Variants in GMPR observed in about 807,000 individuals in gnomAD.
GMPR encodes the protein guanosine monophosphate reductase, also known as GMP reductase 1.
A neutral mutation model predicts 38.4 loss-of-function variants in GMPR; 31 were observed. The ratio of observed to expected loss-of-function variants is 0.81; its 90% CI spans 0.61 to 1.09. GMPR has a LOEUF of 1.09. Among genes scored for constraint, GMPR ranks in the 50% least tolerant of loss-of-function variants. GMPR has a pLI of 0.00. For synonymous variants in GMPR, 162 were observed against 173.3 expected, an observed-to-expected ratio of 0.93 and a Z score of 0.51; for missense variants, 468 against 453.7, an observed-to-expected ratio of 1.03 and a Z score of -0.29.
intron 1 of GMPR, 54 bp from the exon 2 acceptor site, chr6:16,246,788 A>G (rs1243629260): frequency 1.9e-6 from 3 of 1,571,710 alleles, no homozygotes; most frequent in Admixed American, 3.5e-5. Flanking sequence ...CATTTCACAT[A>G]AGAGCAAAGC....
chr6:16,265,872 G>GA lies in GMPR; in HGVS notation c.466-8543_466-8542insA, dbSNP rs1478298979. Among the ~76,000 whole-genome samples, 4 of 152,210 alleles carry GA rather than the reference G, an allele frequency of 2.6e-5. No homozygotes were observed. The East Asian group carries it at 7.7e-4, about 29-fold the overall frequency. On this transcript the variant is annotated intron_variant, in intron 4 of 8. Coordinates refer to ENST00000259727, the MANE Select transcript of GMPR (RefSeq NM_006877.4). ...GCTGCTGCTCGCTCTTTGGGTCCAC[G>GA]CGACGTTTATGAGCTGTAACACTTA...
intron 6 of GMPR, among the ~76,000 whole-genome samples, chr6:16,284,441 T>C (rs1379152183): frequency 6.6e-6 from 1 of 152,166 alleles, no homozygotes; most frequent in Non-Finnish European, 1.5e-5. Flanking sequence ...CTGTCTTTTC[T>C]CTATTCCTTC....
At chr6:16,284,840 C>T (rs1057438527) in intron 6 of GMPR, among the ~76,000 whole-genome samples, 4 of 151,792 alleles carry the variant, frequency 2.6e-5, no homozygotes, top group Non-Finnish European at 2.9e-5. Context: ...GCCAACGTGG[C>T]GAAATCCCGT....
chr6:16,293,580 C>T (rs1759878622), intron 8 of GMPR, among the ~76,000 whole-genome samples: 1 of 152,182 alleles, frequency 6.6e-6, no homozygotes, highest in African/African-American at 2.4e-5. Flanking sequence ...GGTGGATCAC[C>T]TAAGGCCAGG....
chr6:16,267,090 G>A (rs1035379055), intron 4 of GMPR, among the ~76,000 whole-genome samples: 69 of 152,156 alleles, frequency 4.5e-4, no homozygotes, highest in African/African-American at 1.5e-3. Flanking sequence ...ATGGCCGGGC[G>A]CTGTGGCTCA....
chr6:16,266,348 A>AT (rs1363098009), intron 4 of GMPR, among the ~76,000 whole-genome samples: 2 of 143,650 alleles, frequency 1.4e-5, no homozygotes, highest in African/African-American at 5.1e-5. Flanking sequence ...CGCCACCTTT[A>AT]AGAGCTGTAA....
intron 1 of GMPR, among the ~76,000 whole-genome samples, chr6:16,241,134 T>G (rs1758640762): frequency 6.6e-6 from 1 of 152,154 alleles, no homozygotes; most frequent in Non-Finnish European, 1.5e-5. Context: ...AAGTAATATC[T>G]GGAGGCAAAT....
chr6:16,258,684 T>C (rs986159399), intron 4 of GMPR, among the ~76,000 whole-genome samples: 8 of 152,250 alleles, frequency 5.3e-5, no homozygotes, highest in African/African-American at 1.4e-4. Flanking sequence ...TGTGCCTGCA[T>C]TGACCCTTGA....
At chr6:16,247,467 C>G (rs1758781718) in intron 2 of GMPR, among the ~76,000 whole-genome samples, 2 of 151,950 alleles carry the variant, frequency 1.3e-5, no homozygotes, top group African/African-American at 4.8e-5. Context: ...ATTCGCCTCC[C>G]TGGTTCAAAC....
intron 4 of GMPR, among the ~76,000 whole-genome samples, chr6:16,265,920 T>C (rs1446935362): frequency 6.6e-6 from 1 of 152,198 alleles, no homozygotes; most frequent in Non-Finnish European, 1.5e-5. Context: ...GCAGTTTCAC[T>C]CCTGAAGTCA....
chr6:16,294,954 C>T, intron 8 of GMPR, 52 bp from the exon 9 acceptor site: 11 of 1,461,734 alleles, frequency 7.5e-6, no homozygotes, highest in Non-Finnish European at 1.0e-5. Flanking sequence ...TAATTGGGCT[C>T]TTAAGGTGGG....
In GMPR at chr6:16,286,595, T is replaced by C. The variant is rs75297136; in HGVS notation, c.697+760T>C. 8.6e-4 allele frequency among the ~76,000 whole-genome samples: 131 copies of C among 152,216 alleles called. 1 individual carries two copies. The highest frequency in any genetic ancestry group is 3.1e-3 in the African/African-American group (130 of 41,546). ...AAACTTTATGTCATAGGAATTCTGT[T>C]TTTTTGTTTTTTGGTTTTTGTTTTT... On this transcript the variant is annotated intron_variant, in intron 7 of 8. Transcript: ENST00000259727.
At chr6:16,247,676 G>T (rs1187145664) in intron 2 of GMPR, among the ~76,000 whole-genome samples, 1 of 152,118 alleles carries the variant, frequency 6.6e-6, no homozygotes, top group East Asian at 1.9e-4. Flanking sequence ...TGCCCGGCCT[G>T]TATCTCTTAA....
intron 4 of GMPR, among the ~76,000 whole-genome samples, chr6:16,268,499 G>A (rs1384237279): frequency 6.6e-6 from 1 of 152,144 alleles, no homozygotes; most frequent in South Asian, 2.1e-4. Context: ...GGCTGGTCTC[G>A]AACTCCTGAC....
intron 1 of GMPR, among the ~76,000 whole-genome samples, chr6:16,244,859 A>C (rs1368856512): frequency 1.3e-5 from 2 of 152,200 alleles, no homozygotes; most frequent in Admixed American, 1.3e-4. Context: ...GAGCTAGCTC[A>C]TAAAAAGGAC....
intron 1 of GMPR, among the ~76,000 whole-genome samples, chr6:16,239,879 C>T (rs192807254): frequency 1.2e-4 from 18 of 152,314 alleles, no homozygotes; most frequent in Admixed American, 1.0e-3. Context: ...GTTTGGAGCC[C>T]GGCAGGACTG....
chr6:16,250,332 A>G lies in GMPR; in HGVS notation c.256A>G (p.Lys86Glu). 1 of 1,611,038 alleles carries G rather than the reference A, an allele frequency of 6.2e-7. No individual in the cohort carries two copies. The highest frequency in any genetic ancestry group is 1.7e-5 in the Admixed American group (1 of 60,018). The change falls in exon 3 of 9, where the codon AAG becomes GAG. Residue 86 changes from lysine to glutamate, a missense_variant. By Grantham distance (56) the Lys-to-Glu change is moderately conservative (BLOSUM62 1). Transcript: ENST00000259727. ...TAAGCATTACTCCCTGGATGACTGG[A>G]AGCTCTTTGCCACAAATCACCCAGA... ...IHKHYSLDDW[K>E]LFATNHPECL...
At chr6:16,256,053 TA>T (rs1411894287) in intron 4 of GMPR, among the ~76,000 whole-genome samples, 1 of 150,584 alleles carries the variant, frequency 6.6e-6, no homozygotes, top group Non-Finnish European at 1.5e-5. Context: ...GTGTCTCTAC[TA>T]AAAATACAAA....
At chr6:16,252,713 G>A (rs1335222330) in intron 3 of GMPR, among the ~76,000 whole-genome samples, 1 of 152,202 alleles carries the variant, frequency 6.6e-6, no homozygotes. Flanking sequence ...CCAATCTCAA[G>A]TTCCATATAG....
Sources: gnomAD v4.1 joint callset for allele counts (sites outside exome capture counted in the v4.1 genomes callset) on GRCh38, gnomAD v4.1.1 for gene constraint, MANE v1.5 for transcripts, NCBI Gene and HGNC (gene_info 2026-07-23, HGNC 2026-07-21) for gene names.